Variants in MASTL observed in about 807,000 individuals in gnomAD.
MASTL encodes microtubule associated serine/threonine kinase like, also known as serine/threonine-protein kinase greatwall.
Under a neutral mutation model 82.5 loss-of-function variants are expected in MASTL, and 54 were observed. The ratio of observed to expected loss-of-function variants is 0.65; its 90% CI spans 0.53 to 0.82. The LOEUF (loss-of-function observed/expected upper bound fraction) is 0.82. MASTL is among the 40% of genes least tolerant of loss of function. The pLI is 0.00. For synonymous variants in MASTL, 323 were observed against 368.9 expected, an observed-to-expected ratio of 0.88 and a Z score of 1.43; for missense variants, 950 against 1,047.8, an observed-to-expected ratio of 0.91 and a Z score of 1.29.
chr10:27,168,882 T>G (rs1185119019), intron 7 of MASTL, among the ~76,000 whole-genome samples: 3 of 152,148 alleles, frequency 2.0e-5, no homozygotes, highest in Non-Finnish European at 4.4e-5. Context: ...TTAATAAAGT[T>G]TACTATTCAT....
chr10:27,165,646 T>A (rs1038825653), intron 6 of MASTL, 107 bp downstream of exon 6: 2 of 1,296,488 alleles, frequency 1.5e-6, no homozygotes, highest in Non-Finnish European at 2.2e-6. Context: ...GGAGTCTTAC[T>A]CTGTCATCCA....
In MASTL at chr10:27,181,506, A is replaced by C; in HGVS notation, c.2407A>C (p.Lys803Gln). Residue 803 changes from lysine (K) to glutamine (Q), a missense_variant, in exon 11 of 12, where the codon AAG becomes CAG. Physicochemically the swap from Lys to Gln is moderately conservative, Grantham distance 53 (BLOSUM62 1). Coordinates refer to ENST00000375940, the MANE Select transcript of MASTL (RefSeq NM_001172303.3). ...TATCCCTTGGCCAGAAGGTGAAGAA[A>C]AGTTATCTGATAATGCTCAAAGTGC... ...RDIPWPEGEEKLSDNAQSAVE... is the reference protein window; with the variant it reads ...RDIPWPEGEEQLSDNAQSAVE... 1 of 1,612,884 alleles carries C rather than the reference A, an allele frequency of 6.2e-7. No individual in the cohort carries two copies. The highest frequency in any genetic ancestry group is 1.1e-5 in the South Asian group (1 of 91,068).
chr10:27,175,806 G>A (rs1185019030), intron 9 of MASTL, among the ~76,000 whole-genome samples: 1 of 151,992 alleles, frequency 6.6e-6, no homozygotes, highest in Non-Finnish European at 1.5e-5. Flanking sequence ...CTCAAAACTG[G>A]ACTTGTGGGG....
intron 9 of MASTL, among the ~76,000 whole-genome samples, chr10:27,174,036 T>C (rs919613606): frequency 6.6e-6 from 1 of 152,000 alleles, no homozygotes; most frequent in South Asian, 2.1e-4. Flanking sequence ...AAATGAACCA[T>C]CATCCTTCAA....
intron 6 of MASTL, 117 bp downstream of exon 6, chr10:27,165,656 A>C: frequency 8.2e-7 from 1 of 1,213,224 alleles, no homozygotes; most frequent in Non-Finnish European, 1.2e-6. Flanking sequence ...TCTGTCATCC[A>C]GGCTGGAGTG....
At chr10:27,164,094 C>T (rs1588666756) in intron 4 of MASTL, among the ~76,000 whole-genome samples, 1 of 152,258 alleles carries the variant, frequency 6.6e-6, no homozygotes, top group East Asian at 1.9e-4. Flanking sequence ...GCATGAGCCA[C>T]CACACCCAGC....
chr10:27,173,729 C>T lies in MASTL; in HGVS notation c.2266+470C>T, dbSNP rs898448549. Among the ~76,000 whole-genome samples the T allele has an allele frequency of 5.3e-5, 8 of 152,126 alleles. No individual in the cohort carries two copies. The East Asian group carries it at 1.6e-3, about 30-fold the overall frequency. On this transcript the variant is annotated intron_variant, in intron 9 of 11. Transcript: ENST00000375940. The stretch of plus-strand genomic sequence containing the variant: ...CTGAGTAGCTGGGATTACAGGCATC[C>T]ACCATCATGCCCGCCTAATTTTTGT...
chr10:27,161,546 A>G (rs2057573913), intron 4 of MASTL, among the ~76,000 whole-genome samples: 1 of 79,642 alleles, frequency 1.3e-5, no homozygotes, highest in South Asian at 3.7e-4. Flanking sequence ...AATATAAAAA[A>G]TTAAAAAAAA....
intron 11 of MASTL, among the ~76,000 whole-genome samples, chr10:27,182,628 C>T (rs2058387283): frequency 6.6e-6 from 1 of 152,068 alleles, no homozygotes; most frequent in African/African-American, 2.4e-5. Flanking sequence ...CCTGTAGTTC[C>T]AGCTACTTGG....
Position 27,170,386 on chromosome 10 carries a change from G to T in MASTL, c.1427G>T (p.Cys476Phe). Residue 476 changes from cysteine to phenylalanine, a missense_variant, in exon 8 of 12, where the codon TGT (cysteine) becomes TTT (phenylalanine). Cys to Phe is a radical substitution (Grantham distance 205). Coordinates refer to ENST00000375940, the MANE Select transcript of MASTL (RefSeq NM_001172303.3). ...VEYKHNEMTN[C>F]YTNQNTGLTV... The stretch of plus-strand genomic sequence containing the variant: ...TATAAGCATAACGAAATGACAAATT[G>T]TTATACAAATCAAAATACAGGCTTA... The T allele has an allele frequency of 6.2e-7, 1 of 1,614,026 alleles. No individual in the cohort carries two copies. Among genetic ancestry groups the T allele is most frequent in the Middle Eastern group, 1.6e-4 (1 of 6,062 alleles).
At position 27,170,314 on chromosome 10, in the gene MASTL, C is replaced by A. The variant is rs148839815; in HGVS notation, c.1355C>A (p.Ser452Tyr). The A allele has an allele frequency of 1.4e-4, 222 of 1,613,542 alleles. 3 individuals carry two copies. The highest frequency in any genetic ancestry group is 4.9e-4 in the Middle Eastern group (3 of 6,076). ...SLKRNFELVD[S>Y]SPCKKIIQNK... ...AAAAGAAATTTTGAGTTGGTTGACT[C>A]CAGTCCTTGTAAAAAAATTATACAG... Residue 452 changes from serine to tyrosine, a missense_variant, in exon 8 of 12, where the codon TCC (serine) becomes TAC (tyrosine). By Grantham distance (144) the Ser-to-Tyr change is moderately radical. Transcript: ENST00000375940.
intron 7 of MASTL, among the ~76,000 whole-genome samples, chr10:27,168,200 T>C (rs1016709996): frequency 2.0e-5 from 3 of 152,250 alleles, no homozygotes; most frequent in African/African-American, 7.2e-5. Flanking sequence ...AACGTTTAAC[T>C]AAGGCAGAGT....
rs1195375730 is a variant in MASTL, at chr10:27,165,059, C to T, written c.554-5C>T. 1.3e-6 allele frequency: 2 copies of T among 1,515,278 alleles called. No individual in the cohort carries two copies. 93.9% of individuals were successfully genotyped at this position (1,515,278 alleles called of 1,614,324 possible). A position where few individuals can be genotyped will look rare whatever the true frequency, so the allele number is the denominator to read the frequency against. ...ACATTTATATACTTTTCTTTGCATA[C>T]ATAGATATTAATATGATGGATATCC... is the stretch of plus-strand genomic sequence containing the variant. On this transcript the variant is annotated splice_polypyrimidine_tract_variant and splice_region_variant and intron_variant, in intron 4 of 11. Transcript: ENST00000375940.
chr10:27,173,128 A>G lies in MASTL; in HGVS notation c.2135A>G (p.Asn712Ser), dbSNP rs149901692. 151 of 1,614,034 alleles carry G rather than the reference A, an allele frequency of 9.4e-5. No homozygotes were observed. Among genetic ancestry groups the G allele is most frequent in the Non-Finnish European group, 1.2e-4 (145 of 1,180,030 alleles). Residue 712 changes from asparagine (N) to serine (S), a missense_variant, in exon 9 of 12, where the codon AAT (asparagine) becomes AGT (serine). Physicochemically the swap from Asn to Ser is conservative, Grantham distance 46. Coordinates refer to ENST00000375940, the MANE Select transcript of MASTL (RefSeq NM_001172303.3). Reference protein sequence around the residue: ...RSCMPHQQTPNQIKSGTPYRT... With the variant: ...RSCMPHQQTPSQIKSGTPYRT... ...CCCTTTTTGAATTAGCAGACCCCAA[A>G]TCAGATCAAGTCGGGAACTCCATAC...
Position 27,155,396 on chromosome 10 carries a change from T to TGC in MASTL, c.-30_-29insCG, listed in dbSNP as rs1260210768. 4 of 1,571,434 alleles carry TGC rather than the reference T, an allele frequency of 2.5e-6. No homozygotes were observed. The African/African-American group carries it at 5.4e-5, about 21-fold the overall frequency. ...GGAGTGGCTGCTCGCGGAGGGGCAG[T>TGC]GTCTGCGGGGCCGCTGTATGCTGTC... is the stretch of plus-strand genomic sequence containing the variant. On this transcript the variant is annotated 5_prime_UTR_variant, in exon 1 of 12. Transcript: ENST00000375940.
chr10:27,186,266 TA>T, intron 11 of MASTL, 112 bp from the exon 12 acceptor site: 1 of 1,102,338 alleles, frequency 9.1e-7, no homozygotes, highest in Non-Finnish European at 1.4e-6. Flanking sequence ...GAAACTGACA[TA>T]ATAAAGTAAG....
At chr10:27,177,019 A>G (rs781088543) in intron 9 of MASTL, among the ~76,000 whole-genome samples, 14 of 151,652 alleles carry the variant, frequency 9.2e-5, no homozygotes, top group Non-Finnish European at 1.8e-4. Context: ...TAATTTTTGT[A>G]TTTTTAGTAG....
At chr10:27,155,728 G>T (rs2057341880) in intron 1 of MASTL, 116 bp downstream of exon 1, 4 of 1,176,440 alleles carry the variant, frequency 3.4e-6, no homozygotes, top group Middle Eastern at 5.1e-4. Flanking sequence ...GGCCTGGCTT[G>T]CTGAAGCCTC....
At chr10:27,173,858 C>G (rs1010269913) in intron 9 of MASTL, among the ~76,000 whole-genome samples, 6 of 152,018 alleles carry the variant, frequency 3.9e-5, no homozygotes, top group African/African-American at 1.4e-4. Context: ...GGATTACAGG[C>G]GTGAGCCACC....
Sources: gnomAD v4.1 joint callset for allele counts (sites outside exome capture counted in the v4.1 genomes callset) on GRCh38, gnomAD v4.1.1 for gene constraint, MANE v1.5 for transcripts, NCBI Gene and HGNC (gene_info 2026-07-23, HGNC 2026-07-21) for gene names.